The following SYN3 variants were observed in gnomAD, a reference collection of about 807,000 sequenced individuals.
The protein encoded by SYN3 is synapsin III.
Under a neutral mutation model 65.8 loss-of-function variants are expected in SYN3, and 35 were observed. That is an observed-to-expected ratio of 0.53 (90% CI 0.41 to 0.70). SYN3 has a LOEUF of 0.70. SYN3 is among the 30% of genes least tolerant of loss of function. The probability of loss-of-function intolerance (pLI) is 0.00; values close to 1 mark genes in which losing one functional copy is unlikely to be tolerated. For synonymous variants in SYN3, 270 were observed against 292.9 expected, an observed-to-expected ratio of 0.92 and a Z score of 0.80; for missense variants, 680 against 749.0, an observed-to-expected ratio of 0.91 and a Z score of 1.08.
intron 4 of SYN3, among the ~76,000 whole-genome samples, chr22:32,898,431 T>C (rs528468758): frequency 6.6e-6 from 1 of 152,348 alleles, no homozygotes; most frequent in African/African-American, 2.4e-5. Flanking sequence ...TTCACTCTCC[T>C]TTCTCCCGTT....
chr22:32,692,471 A>G (rs1441383287), intron 6 of SYN3, among the ~76,000 whole-genome samples: 3 of 152,212 alleles, frequency 2.0e-5, no homozygotes, highest in Non-Finnish European at 4.4e-5. Context: ...CGTGTTTATT[A>G]GCATGCATTC....
intron 4 of SYN3, among the ~76,000 whole-genome samples, chr22:32,873,567 AT>A (rs1762282075): frequency 6.6e-6 from 1 of 152,208 alleles, no homozygotes; most frequent in African/African-American, 2.4e-5. Flanking sequence ...AACAGAGCCC[AT>A]GCGGAAATCC....
At chr22:32,554,755 C>T (rs547895490) in intron 7 of SYN3, among the ~76,000 whole-genome samples, 20 of 152,300 alleles carry the variant, frequency 1.3e-4, no homozygotes, top group South Asian at 8.3e-4. Flanking sequence ...GGTGTGCTCT[C>T]GCCATTGCTC....
intron 6 of SYN3, among the ~76,000 whole-genome samples, chr22:32,676,278 C>G (rs2060440052): frequency 2.0e-5 from 3 of 152,146 alleles, no homozygotes; most frequent in African/African-American, 7.2e-5. Flanking sequence ...AGCCAGTCAT[C>G]TCATCAGGGA....
At chr22:32,578,411 A>AT (rs1289371567) in intron 7 of SYN3, among the ~76,000 whole-genome samples, 3 of 151,792 alleles carry the variant, frequency 2.0e-5, no homozygotes, top group Admixed American at 6.6e-5. Context: ...CACACCTGGC[A>AT]TTTTTTTATT....
At chr22:32,776,731 AT>A (rs1175383517) in intron 6 of SYN3, among the ~76,000 whole-genome samples, 1 of 152,214 alleles carries the variant, frequency 6.6e-6, no homozygotes, top group Non-Finnish European at 1.5e-5. Flanking sequence ...TGAGGATCAG[AT>A]GGGACAGAGG....
intron 2 of SYN3, among the ~76,000 whole-genome samples, chr22:32,995,940 C>T (rs1433344321): frequency 2.6e-5 from 4 of 152,074 alleles, no homozygotes; most frequent in Admixed American, 1.3e-4. Flanking sequence ...TGTGAGCCAC[C>T]GCATCCGGCC....
chr22:32,861,031 A>G lies in SYN3; in HGVS notation c.711+3884T>C, dbSNP rs190233595. The G allele has an allele frequency of 5.3e-5, 8 of 152,254 alleles. No homozygotes were observed. In the East Asian group the frequency reaches 7.7e-4, roughly 15 times the overall value. The allele number at this position is 152,254 out of a possible 1,614,324, so 9.4% of individuals were successfully genotyped here. On this transcript the variant is annotated intron_variant, in intron 6 of 13. Transcript: ENST00000358763. ...GAGTAGGTGATAATGTATATTTTACAGAGTGGGGGTTGGCAGGATGGTGAC... is the reference window on the plus strand; with the variant it reads ...GAGTAGGTGATAATGTATATTTTACGGAGTGGGGGTTGGCAGGATGGTGAC...
intron 6 of SYN3, among the ~76,000 whole-genome samples, chr22:32,791,896 C>T (rs1220913845): frequency 6.6e-6 from 1 of 152,044 alleles, no homozygotes; most frequent in Non-Finnish European, 1.5e-5. Flanking sequence ...TCTCTTTTGC[C>T]TCCTTTCTTC....
chr22:32,980,510 A>C (rs779995427), intron 3 of SYN3, 135 bp downstream of exon 3: 48 of 779,526 alleles, frequency 6.2e-5, no homozygotes, highest in Non-Finnish European at 9.5e-5. Flanking sequence ...TGAGACTCCC[A>C]AGTATAAGCT....
chr22:32,948,997 T>C (rs1338150961), intron 3 of SYN3, among the ~76,000 whole-genome samples: 2 of 152,170 alleles, frequency 1.3e-5, no homozygotes, highest in Non-Finnish European at 2.9e-5. Context: ...ATTTTGGATT[T>C]GTTTTCAGAT....
chr22:32,701,025 A>G (rs2060804041), intron 6 of SYN3, among the ~76,000 whole-genome samples: 1 of 152,256 alleles, frequency 6.6e-6, no homozygotes, highest in Non-Finnish European at 1.5e-5. Context: ...AATTCTAAAC[A>G]TATTTTAAAT....
At chr22:32,603,796 G>A (rs543070759) in intron 6 of SYN3, among the ~76,000 whole-genome samples, 5 of 152,266 alleles carry the variant, frequency 3.3e-5, no homozygotes, top group East Asian at 1.9e-4. Flanking sequence ...TGGGGATGCC[G>A]AGGTCTGCAT....
At chr22:32,603,537 GA>G (rs1259399396) in intron 6 of SYN3, among the ~76,000 whole-genome samples, 123 of 124,726 alleles carry the variant, frequency 9.9e-4, no homozygotes, top group East Asian at 3.4e-3. Flanking sequence ...CAAAAAAAAA[GA>G]AAAAAAAAAA....
At chr22:33,054,109 A>T (rs1224883428) in intron 1 of SYN3, among the ~76,000 whole-genome samples, 1 of 152,198 alleles carries the variant, frequency 6.6e-6, no homozygotes, top group Non-Finnish European at 1.5e-5. Context: ...TAAAGATCAA[A>T]TTAAAGAATG....
intron 4 of SYN3, among the ~76,000 whole-genome samples, chr22:32,898,482 C>A (rs927833939): frequency 9.9e-5 from 15 of 152,216 alleles, no homozygotes; most frequent in African/African-American, 3.4e-4. Context: ...CTGTTGTCCA[C>A]CTATCTGCAT....
intron 4 of SYN3, among the ~76,000 whole-genome samples, chr22:32,871,731 C>T (rs917657917): frequency 6.6e-6 from 1 of 152,076 alleles, no homozygotes; most frequent in African/African-American, 2.4e-5. Flanking sequence ...CATCAGCCTC[C>T]CAAGTAGCTG....
At chr22:32,788,110 GT>G (rs1212479812) in intron 6 of SYN3, among the ~76,000 whole-genome samples, 1 of 151,890 alleles carries the variant, frequency 6.6e-6, no homozygotes, top group East Asian at 1.9e-4. Context: ...ATATGATCTC[GT>G]TTTTTTTCTC....
At chr22:32,555,579 C>T (rs1385844087) in intron 7 of SYN3, among the ~76,000 whole-genome samples, 1 of 152,076 alleles carries the variant, frequency 6.6e-6, no homozygotes, top group Non-Finnish European at 1.5e-5. Context: ...ATTTACTGAA[C>T]CAGGTTATTT....
Sources: allele counts gnomAD v4.1 joint callset (sites outside exome capture counted in the v4.1 genomes callset), GRCh38; gene constraint gnomAD v4.1.1; transcripts MANE v1.5; gene names NCBI Gene and HGNC (gene_info 2026-07-23, HGNC 2026-07-21).